Variants in FBXL13 observed in about 807,000 individuals in gnomAD.
The protein encoded by FBXL13 is F-box and leucine rich repeat protein 13.
A neutral mutation model predicts 83.6 loss-of-function variants in FBXL13; 67 were observed. The ratio of observed to expected loss-of-function variants is 0.80; its 90% confidence interval spans 0.66 to 0.98. The LOEUF is 0.98. FBXL13 is among the 50% of genes least tolerant of loss of function. The pLI, the probability that FBXL13 is intolerant of heterozygous loss-of-function variation, is 0.00. For missense variants in FBXL13, 822 were observed against 866.5 expected (o/e 0.95, Z 0.64); for synonymous variants, 272 against 299.5 (o/e 0.91, Z 0.95).
intron 6 of FBXL13, among the ~76,000 whole-genome samples, chr7:102,995,220 G>A (rs1027480269): frequency 2.6e-5 from 4 of 152,148 alleles, no homozygotes; most frequent in African/African-American, 7.2e-5. Context: ...GGTGGCCCAC[G>A]CCTGTAATCC....
chr7:102,845,907 A>G (rs17136100), intron 17 of FBXL13, among the ~76,000 whole-genome samples: 4,418 of 152,246 alleles, frequency 0.029, 184 homozygotes, highest in East Asian at 0.16. Flanking sequence ...TACCTTTATC[A>G]CAGCATTATG....
At chr7:103,008,984 T>C (rs1791288757) in intron 6 of FBXL13, among the ~76,000 whole-genome samples, 2 of 152,180 alleles carry the variant, frequency 1.3e-5, no homozygotes, top group Non-Finnish European at 2.9e-5. Context: ...TGTTAGGTCC[T>C]TTAATGTAAA....
chr7:103,070,058 G>A (rs1218572592), intron 1 of FBXL13, among the ~76,000 whole-genome samples: 7 of 138,382 alleles, frequency 5.1e-5, no homozygotes, highest in South Asian at 2.3e-4. Context: ...CAGCCTGGGC[G>A]ACAGTGCAAG....
chr7:102,969,620 C>T (rs1173950391), intron 6 of FBXL13, among the ~76,000 whole-genome samples: 3 of 151,632 alleles, frequency 2.0e-5, no homozygotes, highest in Non-Finnish European at 2.9e-5. Flanking sequence ...ACCAGCCTGG[C>T]CAACATGGTG....
chr7:103,074,708 A>G, upstream of FBXL13: 1 of 1,289,714 alleles, frequency 7.8e-7, no homozygotes, highest in Non-Finnish European at 1.0e-6. Context: ...CGCAGACCTG[A>G]GGAATGTAGT....
At position 103,067,668 on chromosome 7, in the gene FBXL13, G is replaced by A. The variant is rs1798530724; in HGVS notation, c.-105+6578C>T. 2.0e-5 allele frequency among the ~76,000 whole-genome samples: 3 copies of A among 152,182 alleles called. No individual in the cohort carries two copies. In the South Asian group the frequency reaches 6.2e-4, roughly 32 times the overall value. ...CATCGACAGCCAGCATCAACTGCCA[G>A]GCATGTAGGTAAGGAAGCCTTCAAG... On this transcript the variant is annotated intron_variant, in intron 1 of 19. Transcript: ENST00000313221.
intron 19 of FBXL13, among the ~76,000 whole-genome samples, chr7:102,820,463 T>C (rs1436241702): frequency 6.6e-6 from 1 of 151,808 alleles, no homozygotes; most frequent in African/African-American, 2.4e-5. Flanking sequence ...CCTTGTTTTA[T>C]TTTTTTTGCA....
At chr7:102,940,312 C>G (rs1821168748) in intron 8 of FBXL13, among the ~76,000 whole-genome samples, 1 of 151,858 alleles carries the variant, frequency 6.6e-6, no homozygotes, top group African/African-American at 2.4e-5. Context: ...CAGGTTCACG[C>G]CATTCTCCTG....
At chr7:102,815,861 G>A (rs1241695249) in intron 19 of FBXL13, among the ~76,000 whole-genome samples, 1 of 152,064 alleles carries the variant, frequency 6.6e-6, no homozygotes, top group African/African-American at 2.4e-5. Context: ...TGGTAATTGT[G>A]ACATAAAACA....
upstream of FBXL13, chr7:103,074,702 G>A: frequency 7.8e-7 from 1 of 1,289,724 alleles, no homozygotes; most frequent in Non-Finnish European, 1.0e-6. Context: ...GTACCTCGCA[G>A]ACCTGAGGAA....
At chr7:102,852,436 T>C (rs932683076) in intron 17 of FBXL13, among the ~76,000 whole-genome samples, 2 of 151,974 alleles carry the variant, frequency 1.3e-5, no homozygotes, top group African/African-American at 2.4e-5. Context: ...AATCTATACA[T>C]CTGACAAAGG....
At chr7:103,021,739 T>C (rs1793201096) in intron 6 of FBXL13, among the ~76,000 whole-genome samples, 1 of 152,300 alleles carries the variant, frequency 6.6e-6, no homozygotes. Context: ...AAAATGCTCA[T>C]CATCCCTGGC....
intron 2 of FBXL13, among the ~76,000 whole-genome samples, chr7:103,044,134 T>C (rs1796033647): frequency 1.3e-5 from 2 of 152,298 alleles, no homozygotes; most frequent in Admixed American, 1.3e-4. Flanking sequence ...CCAGCTTGCA[T>C]GAAATACGGG....
chr7:102,854,884 C>G, intron 16 of FBXL13, 24 bp from the exon 18 acceptor site: 3 of 1,339,478 alleles, frequency 2.2e-6, no homozygotes, highest in Non-Finnish European at 3.1e-6. Flanking sequence ...ATATAAAGAT[C>G]ATTTTGTGAT....
chr7:102,958,405 G>A (rs1419573039), intron 8 of FBXL13, among the ~76,000 whole-genome samples: 1 of 151,842 alleles, frequency 6.6e-6, no homozygotes, highest in African/African-American at 2.4e-5. Context: ...GACTGGGGGA[G>A]GGATAGCATT....
At chr7:102,872,495 A>G (rs1808655286) in intron 16 of FBXL13, among the ~76,000 whole-genome samples, 1 of 152,232 alleles carries the variant, frequency 6.6e-6, no homozygotes, top group South Asian at 2.1e-4. Context: ...AGTCTTTTTA[A>G]ACCACTGTCT....
intron 8 of FBXL13, among the ~76,000 whole-genome samples, chr7:102,962,281 A>G (rs1054702928): frequency 1.3e-5 from 2 of 152,176 alleles, no homozygotes; most frequent in East Asian, 1.9e-4. Context: ...CAAAACCACA[A>G]TGAGATATCA....
chr7:102,834,088 A>AG (rs1801307725), intron 17 of FBXL13, among the ~76,000 whole-genome samples: 1 of 61,746 alleles, frequency 1.6e-5, no homozygotes, highest in African/African-American at 6.9e-5. Flanking sequence ...AAGGAAAGAA[A>AG]AGAAAGAAAG....
intron 2 of FBXL13, among the ~76,000 whole-genome samples, chr7:103,043,427 T>A (rs1795948905): frequency 6.6e-6 from 1 of 152,184 alleles, no homozygotes; most frequent in Non-Finnish European, 1.5e-5. Flanking sequence ...TCCTCAAGGA[T>A]CTAGAACTAG....
Sources: allele counts gnomAD v4.1 joint callset (sites outside exome capture counted in the v4.1 genomes callset), GRCh38; gene constraint gnomAD v4.1.1; transcripts MANE v1.5; gene names NCBI Gene and HGNC (gene_info 2026-07-23, HGNC 2026-07-21).